Variants in MICU2 observed in about 807,000 individuals in gnomAD.
MICU2 encodes the protein mitochondrial calcium uptake 2.
MICU2 carries 64 observed loss-of-function variants against 60.4 expected under a neutral mutation model. That is an observed-to-expected ratio of 1.06 (90% CI 0.87 to 1.31). The LOEUF (loss-of-function observed/expected upper bound fraction) is 1.31. Ranked by LOEUF, MICU2 falls within the 50% of genes most tolerant of loss-of-function variation. The pLI is 0.00. For missense variants in MICU2, 569 were observed against 531.0 expected (o/e 1.07, Z -0.70); for synonymous variants, 201 against 175.0 (o/e 1.15, Z -1.17).
intron 7 of MICU2, among the ~76,000 whole-genome samples, chr13:21,513,410 C>A (rs576558870): frequency 1.3e-5 from 2 of 152,022 alleles, no homozygotes; most frequent in Non-Finnish European, 2.9e-5. Flanking sequence ...TCAATGCCCA[C>A]CTCCCTGCCC....
chr13:21,576,746 T>C (rs1054367783), intron 1 of MICU2, among the ~76,000 whole-genome samples: 3 of 152,202 alleles, frequency 2.0e-5, no homozygotes, highest in African/African-American at 7.2e-5. Context: ...TTAAAGCTCA[T>C]GGCTGAATAC....
At position 21,566,826 on chromosome 13, in the gene MICU2, A is replaced by G. The variant is rs1887994699; in HGVS notation, c.329T>C (p.Leu110Pro). Residue 110 changes from leucine to proline, a missense_variant, in exon 2 of 12, where the codon CTC becomes CCC. Physicochemically the swap from Leu to Pro is moderately conservative, Grantham distance 98. Coordinates refer to ENST00000382374, the MANE Select transcript of MICU2 (RefSeq NM_152726.3). ...CATTTGCTCAAACATCACTGAGAAG[A>G]GGAAGTCTCGTGGTGTCATATAATA... is the stretch of plus-strand genomic sequence containing the variant. ...GEYYMTPRDF[L>P]FSVMFEQMER... 2 of 1,603,782 alleles carry G rather than the reference A, an allele frequency of 1.2e-6. No individual in the cohort carries two copies. Among genetic ancestry groups the G allele is most frequent in the African/African-American group, 2.7e-5 (2 of 74,560 alleles).
intron 8 of MICU2, among the ~76,000 whole-genome samples, chr13:21,503,845 C>T (rs899192312): frequency 5.9e-5 from 9 of 152,114 alleles, no homozygotes; most frequent in African/African-American, 1.9e-4. Context: ...GCTGCAGATC[C>T]CTTTATTCAC....
chr13:21,536,294 C>T (rs1887128736), intron 4 of MICU2, among the ~76,000 whole-genome samples: 1 of 151,924 alleles, frequency 6.6e-6, no homozygotes, highest in Non-Finnish European at 1.5e-5. Context: ...TTTTTCTTCT[C>T]CATGGAGTGT....
intron 2 of MICU2, among the ~76,000 whole-genome samples, chr13:21,542,922 T>C (rs1887318711): frequency 6.6e-6 from 1 of 152,238 alleles, no homozygotes; most frequent in Non-Finnish European, 1.5e-5. Context: ...AATAAAGTTA[T>C]TTGATAATCA....
Position 21,566,785 on chromosome 13 carries a change from G to T in MICU2, c.358+12C>A. On this transcript the variant is annotated intron_variant, in intron 2 of 11. Coordinates refer to ENST00000382374, the MANE Select transcript of MICU2 (RefSeq NM_152726.3). ...GATTTTTTTAATTAAAAAAAAAAAAGACCCAACTCACGTTCCATTTGCTCA... is the reference window on the plus strand; with the variant it reads ...GATTTTTTTAATTAAAAAAAAAAAATACCCAACTCACGTTCCATTTGCTCA... 6.7e-7 allele frequency: 1 copy of T among 1,503,696 alleles called. No individual in the cohort carries two copies. Among genetic ancestry groups the T allele is most frequent in the South Asian group, 1.3e-5 (1 of 76,384 alleles). The allele number at this position is 1,503,696 out of a possible 1,614,324, so 93.1% of individuals were successfully genotyped here.
intron 4 of MICU2, among the ~76,000 whole-genome samples, chr13:21,526,179 C>T (rs1196748493): frequency 8.1e-6 from 1 of 123,290 alleles, no homozygotes; most frequent in Non-Finnish European, 1.6e-5. Context: ...GTCTTGAATT[C>T]CTGGGCTCAA....
rs1002203157 is a variant in MICU2 at position 21,603,824 on chromosome 13, G to A, written c.210+115C>T. On this transcript the variant is annotated intron_variant, in intron 1 of 11. Transcript: ENST00000382374. ...GTCGCAGGGCGCTCCGATCCGCAGCGGCACCTCCACCCACGGCTCCGGGAG... is the reference window on the plus strand; with the variant it reads ...GTCGCAGGGCGCTCCGATCCGCAGCAGCACCTCCACCCACGGCTCCGGGAG... The A allele has an allele frequency of 9.3e-6, 11 of 1,179,532 alleles. No homozygotes were observed. The Admixed American group carries it at 2.6e-4, about 27-fold the overall frequency. The allele number at this position is 1,179,532 out of a possible 1,614,324, so 73.1% of individuals were successfully genotyped here. A position where few individuals can be genotyped will look rare whatever the true frequency, so the allele number is the denominator to read the frequency against.
At chr13:21,582,027 C>T (rs895351438) in intron 1 of MICU2, among the ~76,000 whole-genome samples, 9 of 152,274 alleles carry the variant, frequency 5.9e-5, no homozygotes, top group South Asian at 2.1e-4. Flanking sequence ...AAAGCCACTG[C>T]GGGGTGCCTT....
intron 2 of MICU2, among the ~76,000 whole-genome samples, chr13:21,554,576 A>G (rs938371536): frequency 1.2e-4 from 19 of 152,188 alleles, no homozygotes; most frequent in African/African-American, 4.3e-4. Context: ...CACAAGAGAA[A>G]GCAGGAAAGA....
rs140696322 is a variant in MICU2 at position 21,501,411 on chromosome 13, T to C, written c.933+1515A>G. Among the ~76,000 whole-genome samples the C allele has an allele frequency of 1.1e-3, 169 of 152,160 alleles. 2 individuals are homozygous for C. Among genetic ancestry groups the C allele is most frequent in the South Asian group, 6.2e-3 (30 of 4,814 alleles). On this transcript the variant is annotated intron_variant, in intron 9 of 11. Coordinates refer to ENST00000382374, the MANE Select transcript of MICU2 (RefSeq NM_152726.3). The stretch of plus-strand genomic sequence containing the variant: ...CCGAGTAGCTGGGACTACAGGCACC[T>C]GCCACCATGCCTGGCTAATTTTTTG...
At chr13:21,571,581 G>A (rs1888110741) in intron 1 of MICU2, among the ~76,000 whole-genome samples, 1 of 152,036 alleles carries the variant, frequency 6.6e-6, no homozygotes, top group African/African-American at 2.4e-5. Context: ...GCCTGTAGTC[G>A]CAGCTACTCG....
At chr13:21,522,499 T>C in intron 5 of MICU2, 104 bp downstream of exon 5, 2 of 830,418 alleles carry the variant, frequency 2.4e-6, no homozygotes, top group Non-Finnish European at 3.8e-6. Flanking sequence ...AAGGCATCAA[T>C]AATGTTTTTA....
chr13:21,515,439 A>T (rs1330319034), intron 6 of MICU2: 2 of 289,524 alleles, frequency 6.9e-6, no homozygotes, highest in Admixed American at 8.0e-5. Context: ...CCCTTTATGC[A>T]TTTATAAAGC....
intron 1 of MICU2, among the ~76,000 whole-genome samples, chr13:21,585,926 T>C (rs577174702): frequency 9.8e-5 from 15 of 152,318 alleles, no homozygotes; most frequent in East Asian, 1.9e-4. Context: ...TTTTAGAATT[T>C]TGACAATTTT....
intron 8 of MICU2, among the ~76,000 whole-genome samples, chr13:21,508,368 A>AC (rs1276427693): frequency 6.6e-6 from 1 of 151,802 alleles, no homozygotes; most frequent in Non-Finnish European, 1.5e-5. Flanking sequence ...CTCGTGATCC[A>AC]CCACCTCGGC....
chr13:21,568,887 T>TATCTTATG (rs1888042781), intron 1 of MICU2, among the ~76,000 whole-genome samples: 2 of 152,158 alleles, frequency 1.3e-5, no homozygotes, highest in East Asian at 3.9e-4. Context: ...CAAACTCCTC[T>TATCTTATG]ATCTTATGGT....
chr13:21,580,102 T>C (rs1484723069), intron 1 of MICU2, among the ~76,000 whole-genome samples: 1 of 152,204 alleles, frequency 6.6e-6, no homozygotes, highest in Non-Finnish European at 1.5e-5. Context: ...CATTTTTCTT[T>C]TACAACAGTT....
At chr13:21,509,717 G>A (rs145013734) in intron 8 of MICU2, among the ~76,000 whole-genome samples, 1 of 152,210 alleles carries the variant, frequency 6.6e-6, no homozygotes, top group Non-Finnish European at 1.5e-5. Flanking sequence ...AACAACTGAC[G>A]CTAGGCGCAT....
Sources: allele counts gnomAD v4.1 joint callset (sites outside exome capture counted in the v4.1 genomes callset), GRCh38; gene constraint gnomAD v4.1.1; transcripts MANE v1.5; gene names NCBI Gene and HGNC (gene_info 2026-07-23, HGNC 2026-07-21).